RRP15: variants seen among roughly 807,000 people sequenced by gnomAD.
RRP15 encodes the protein ribosomal RNA processing 15 homolog.
RRP15 carries 18 observed loss-of-function variants against 27.1 expected under a neutral mutation model. The observed-to-expected ratio is 0.66, with a 90% CI of 0.46 to 0.98. The LOEUF (loss-of-function observed/expected upper bound fraction) is 0.98. Among genes scored for constraint, RRP15 ranks in the 50% least tolerant of loss-of-function variants. The pLI is 0.00. For missense variants in RRP15, 359 were observed against 337.8 expected, an observed-to-expected ratio of 1.06 and a Z score of -0.49; for synonymous variants, 107 against 109.4, an observed-to-expected ratio of 0.98 and a Z score of 0.14.
chr1:218,287,970 C>T (rs573821620), intron 1 of RRP15, among the ~76,000 whole-genome samples: 17 of 152,220 alleles, frequency 1.1e-4, no homozygotes, highest in African/African-American at 2.2e-4. Flanking sequence ...CAGTGGCATG[C>T]GGTCTCTTAA....
chr1:218,337,239 A>G lies in RRP15; in HGVS notation c.*6148A>G, dbSNP rs1558215894. On this transcript the variant is annotated 3_prime_UTR_variant, in exon 5 of 5. Transcript: ENST00000366932. ...ATAGGTTTCCATTCATTTCTCATCT[A>G]TGTAATTCTGAGTCTTCCTTTTCTA... 1 of 152,122 alleles carries G rather than the reference A, an allele frequency of 6.6e-6. No individual in the cohort carries two copies. Among genetic ancestry groups the G allele is most frequent in the Non-Finnish European group, 1.5e-5 (1 of 68,020 alleles). The allele number at this position is 152,122 out of a possible 1,614,324, so 9.4% of individuals were successfully genotyped here. A position where few individuals can be genotyped will look rare whatever the true frequency, so the allele number is the denominator to read the frequency against.
intron 4 of RRP15, among the ~76,000 whole-genome samples, chr1:218,328,747 G>A (rs1656317421): frequency 2.0e-5 from 3 of 152,106 alleles, no homozygotes; most frequent in Non-Finnish European, 4.4e-5. Context: ...CTACCTAGGA[G>A]AGGAGTAGAG....
At chr1:218,314,521 A>G (rs1411456439) in intron 4 of RRP15, among the ~76,000 whole-genome samples, 1 of 152,172 alleles carries the variant, frequency 6.6e-6, no homozygotes, top group Admixed American at 6.6e-5. Context: ...CTCTAAGGAG[A>G]ATATATTGGC....
At chr1:218,311,485 G>A (rs1006927531) in intron 4 of RRP15, among the ~76,000 whole-genome samples, 4 of 151,134 alleles carry the variant, frequency 2.6e-5, no homozygotes, top group Non-Finnish European at 5.9e-5. Context: ...TTTTCCTTTA[G>A]TTTTGTATAT....
chr1:218,312,061 G>T lies in RRP15; in HGVS notation c.705+4429G>T, dbSNP rs967062356. Reference sequence around the variant, plus strand: ...CCAGAAGCTGGAGGAGACAGCAAGGGATGGGTTCTCCCCTGAAGCCCCAAG... The same window carrying T: ...CCAGAAGCTGGAGGAGACAGCAAGGTATGGGTTCTCCCCTGAAGCCCCAAG... On this transcript the variant is annotated intron_variant, in intron 4 of 4. Transcript: ENST00000366932. Among the ~76,000 whole-genome samples the T allele has an allele frequency of 1.3e-4, 20 of 152,280 alleles. 1 individual carries two copies. Among genetic ancestry groups the T allele is most frequent in the African/African-American group, 4.6e-4 (19 of 41,568 alleles).
chr1:218,312,172 G>A (rs1373975176), intron 4 of RRP15, among the ~76,000 whole-genome samples: 1 of 152,132 alleles, frequency 6.6e-6, no homozygotes, highest in East Asian at 1.9e-4. Context: ...TACCTAGTTT[G>A]TAGCAATTTG....
At position 218,285,411 on chromosome 1, in the gene RRP15, C is replaced by A; in HGVS notation, c.95C>A (p.Ala32Glu). The change falls in exon 1 of 5, where the codon GCG (alanine) becomes GAG (glutamate). Residue 32 changes from alanine (A) to glutamate (E), a missense_variant. Physicochemically the swap from Ala to Glu is moderately radical, Grantham distance 107 (BLOSUM62 -1). Transcript: ENST00000366932. ...KKMKMVTGAV[A>E]SVLEDEATDT... is the part of the protein sequence containing the mutation. ...ATGAAAATGGTAACTGGAGCCGTAG[C>A]GTCGGTGCTGGAAGACGAGGCCACA... 1 of 1,614,058 alleles carries A rather than the reference C, an allele frequency of 6.2e-7. No homozygotes were observed. Among genetic ancestry groups the A allele is most frequent in the Non-Finnish European group, 8.5e-7 (1 of 1,180,022 alleles).
At chr1:218,301,977 C>G in intron 1 of RRP15, 1 of 281,764 alleles carries the variant, frequency 3.5e-6, no homozygotes, top group Non-Finnish European at 6.6e-6. Flanking sequence ...TGCACCAACT[C>G]CATGCCAACA....
rs1214536139 is a variant in RRP15 at position 218,287,142 on chromosome 1, CTTTTTTT to C, written c.139+1699_139+1705del. ...ACTGTACCTGGCTAATTTTTTTTTT[CTTTTTTT>C]TTTTTTTTTTTGGTAGAGATGGGAT... On this transcript the variant is annotated intron_variant, in intron 1 of 4. Transcript: ENST00000366932. Among the ~76,000 whole-genome samples, 10 of 111,412 alleles carry C rather than the reference CTTTTTTT, an allele frequency of 9.0e-5. No individual in the cohort carries two copies. The South Asian group carries it at 1.9e-3, about 21-fold the overall frequency. 73.1% of individuals were successfully genotyped at this position (111,412 alleles called of 152,430 possible).
chr1:218,329,725 A>G (rs1656336345), intron 4 of RRP15, among the ~76,000 whole-genome samples: 1 of 152,138 alleles, frequency 6.6e-6, no homozygotes, highest in East Asian at 1.9e-4. Context: ...TTCAGTCTTC[A>G]AGTTATATTT....
chr1:218,313,661 A>C (rs1656036791), intron 4 of RRP15, among the ~76,000 whole-genome samples: 1 of 152,226 alleles, frequency 6.6e-6, no homozygotes, highest in African/African-American at 2.4e-5. Flanking sequence ...CAACCAGAAT[A>C]GCAGAGTATG....
At chr1:218,303,244 A>G (rs1655842451) in intron 2 of RRP15, among the ~76,000 whole-genome samples, 1 of 152,240 alleles carries the variant, frequency 6.6e-6, no homozygotes, top group Admixed American at 6.5e-5. Flanking sequence ...TTAATTAAAG[A>G]AAAATAACTT....
At chr1:218,310,025 G>C (rs969991882) in intron 4 of RRP15, among the ~76,000 whole-genome samples, 4 of 152,136 alleles carry the variant, frequency 2.6e-5, no homozygotes, top group African/African-American at 9.7e-5. Flanking sequence ...GGGAAGGCAG[G>C]GTGGCAAAGG....
chr1:218,291,072 G>A (rs893334674), intron 1 of RRP15, among the ~76,000 whole-genome samples: 13 of 152,052 alleles, frequency 8.5e-5, no homozygotes, highest in Non-Finnish European at 1.8e-4. Context: ...CTGGGAGTTC[G>A]AGACTGCAGT....
At position 218,335,220 on chromosome 1, in the gene RRP15, A is replaced by G. The variant is rs1453698594; in HGVS notation, c.*4129A>G. On this transcript the variant is annotated 3_prime_UTR_variant, in exon 5 of 5. Transcript: ENST00000366932. Reference sequence around the variant, plus strand: ...CTGAACATAATTTCAGGGAGTTAGTATTTAGGACTTTTTACCTAGAGATGC... The same window carrying G: ...CTGAACATAATTTCAGGGAGTTAGTGTTTAGGACTTTTTACCTAGAGATGC... The G allele has an allele frequency of 6.6e-6, 1 of 152,140 alleles. No individual in the cohort carries two copies. Among genetic ancestry groups the G allele is most frequent in the African/African-American group, 2.4e-5 (1 of 41,434 alleles). 9.4% of individuals were successfully genotyped at this position (152,140 alleles called of 1,614,324 possible). A position where few individuals can be genotyped will look rare whatever the true frequency, so the allele number is the denominator to read the frequency against.
chr1:218,290,734 G>A (rs1655625583), intron 1 of RRP15, among the ~76,000 whole-genome samples: 1 of 152,234 alleles, frequency 6.6e-6, no homozygotes, highest in Non-Finnish European at 1.5e-5. Context: ...CTCCCAAAGT[G>A]CTGGGATTAC....
chr1:218,306,961 T>G (rs1277892001), intron 3 of RRP15, among the ~76,000 whole-genome samples: 1 of 152,228 alleles, frequency 6.6e-6, no homozygotes, highest in African/African-American at 2.4e-5. Context: ...GCTCCTGTAT[T>G]GGATGCTGCA....
rs576366769 is a variant in RRP15, at chr1:218,306,502, A to G, written c.504-929A>G. On this transcript the variant is annotated intron_variant, in intron 3 of 4. Transcript: ENST00000366932. Reference sequence around the variant, plus strand: ...GCCTGGATAAAGAGCAGTCAGGTGCATTCATTCTTGAAAAATCCAGCAACC... The same window carrying G: ...GCCTGGATAAAGAGCAGTCAGGTGCGTTCATTCTTGAAAAATCCAGCAACC... Among the ~76,000 whole-genome samples the G allele has an allele frequency of 4.8e-3, 735 of 152,290 alleles. 3 individuals are homozygous for G. Among genetic ancestry groups the G allele is most frequent in the Non-Finnish European group, 8.3e-3 (564 of 68,026 alleles).
At chr1:218,290,623 C>T (rs1002565207) in intron 1 of RRP15, among the ~76,000 whole-genome samples, 2 of 152,114 alleles carry the variant, frequency 1.3e-5, no homozygotes, top group Non-Finnish European at 2.9e-5. Flanking sequence ...GTACACTACC[C>T]ACACCTGGCT....
Sources: allele counts gnomAD v4.1 joint callset (sites outside exome capture counted in the v4.1 genomes callset), GRCh38; gene constraint gnomAD v4.1.1; transcripts MANE v1.5; gene names NCBI Gene and HGNC (gene_info 2026-07-23, HGNC 2026-07-21).